SLC17A8: variants seen among roughly 807,000 people sequenced by gnomAD.
The protein encoded by SLC17A8 is solute carrier family 17 member 8, also known as vesicular glutamate transporter 3.
SLC17A8 carries 31 observed loss-of-function variants against 58.0 expected under a neutral mutation model. The ratio of observed to expected loss-of-function variants is 0.53; its 90% confidence interval spans 0.40 to 0.72. The LOEUF (loss-of-function observed/expected upper bound fraction) is 0.72. SLC17A8 is among the 30% of genes least tolerant of loss of function. The probability of loss-of-function intolerance (pLI) is 0.00; values close to 1 mark genes in which losing one functional copy is unlikely to be tolerated. For synonymous variants in SLC17A8, 228 were observed against 249.0 expected, an observed-to-expected ratio of 0.92 and a Z score of 0.79; for missense variants, 655 against 727.8, an observed-to-expected ratio of 0.90 and a Z score of 1.15.
In SLC17A8 at chr12:100,401,276, G is replaced by C. The variant is rs532463824; in HGVS notation, c.677-501G>C. Among the ~76,000 whole-genome samples the C allele has an allele frequency of 2.6e-5, 4 of 151,542 alleles. No individual in the cohort carries two copies. The East Asian group carries it at 7.8e-4, about 29-fold the overall frequency. Reference sequence around the variant, plus strand: ...AGCCTCCCAAAGTGTTAGGATTACAGGTGTGAGCCACCGTGCCTGGCAACC... The same window carrying C: ...AGCCTCCCAAAGTGTTAGGATTACACGTGTGAGCCACCGTGCCTGGCAACC... On this transcript the variant is annotated intron_variant, in intron 5 of 11. Coordinates refer to ENST00000323346, the MANE Select transcript of SLC17A8 (RefSeq NM_139319.3).
Position 100,412,803 on chromosome 12 carries a change from T to C in SLC17A8, c.1220T>C (p.Val407Ala). The change falls in exon 10 of 12, where the codon GTT (valine) becomes GCT (alanine). Residue 407 changes from valine (V) to alanine (A), a missense_variant. Physicochemically the swap from Val to Ala is moderately conservative, Grantham distance 64 (BLOSUM62 0). Transcript: ENST00000323346. ...ATGGAGGCAACCTTACTCCTGGTGG[T>C]TGGCTTTTCGCATACCAAAGGGGTG... ...FGMEATLLLV[V>A]GFSHTKGVAI... 5 of 1,614,142 alleles carry C rather than the reference T, an allele frequency of 3.1e-6. No individual in the cohort carries two copies. Among genetic ancestry groups the C allele is most frequent in the Non-Finnish European group, 2.5e-6 (3 of 1,180,000 alleles).
At chr12:100,381,683 C>T (rs1393167240) in intron 2 of SLC17A8, among the ~76,000 whole-genome samples, 1 of 152,056 alleles carries the variant, frequency 6.6e-6, no homozygotes, top group Non-Finnish European at 1.5e-5. Flanking sequence ...GACTAATGAA[C>T]CTTTGCCAAA....
chr12:100,390,654 G>A (rs769773134), intron 2 of SLC17A8, among the ~76,000 whole-genome samples: 1 of 151,186 alleles, frequency 6.6e-6, no homozygotes, highest in Non-Finnish European at 1.5e-5. Context: ...GGCCGGTTTT[G>A]TTTTTTAAGA....
chr12:100,387,980 A>T (rs1371090886), intron 2 of SLC17A8, among the ~76,000 whole-genome samples: 2 of 152,188 alleles, frequency 1.3e-5, no homozygotes, highest in Non-Finnish European at 2.9e-5. Context: ...GTGATGTCTT[A>T]AAGAACCCTT....
At chr12:100,389,181 C>T (rs2135993235) in intron 2 of SLC17A8, among the ~76,000 whole-genome samples, 1 of 152,296 alleles carries the variant, frequency 6.6e-6, no homozygotes, top group South Asian at 2.1e-4. Flanking sequence ...TTTTCAATGG[C>T]CTAAGGGTTG....
chr12:100,383,196 C>T (rs1246385731), intron 2 of SLC17A8, among the ~76,000 whole-genome samples: 1 of 152,158 alleles, frequency 6.6e-6, no homozygotes, highest in Non-Finnish European at 1.5e-5. Flanking sequence ...TGTTTGTTGC[C>T]TGAAAAGATA....
At chr12:100,407,361 A>G (rs1005162749) in intron 9 of SLC17A8, among the ~76,000 whole-genome samples, 1 of 152,142 alleles carries the variant, frequency 6.6e-6, no homozygotes, top group African/African-American at 2.4e-5. Flanking sequence ...GTTCCTATTT[A>G]ATTCTGCCCC....
At chr12:100,373,311 G>A (rs1174077219) in intron 1 of SLC17A8, among the ~76,000 whole-genome samples, 2 of 152,154 alleles carry the variant, frequency 1.3e-5, no homozygotes, top group African/African-American at 2.4e-5. Flanking sequence ...AAATGAGTTC[G>A]TTTTTCTTCT....
intron 4 of SLC17A8, among the ~76,000 whole-genome samples, chr12:100,394,601 C>T (rs956297213): frequency 1.3e-5 from 2 of 150,636 alleles, no homozygotes; most frequent in Non-Finnish European, 3.0e-5. Context: ...TGGGGTTTTA[C>T]CATGTTGGCC....
intron 4 of SLC17A8, among the ~76,000 whole-genome samples, chr12:100,395,973 T>C (rs1385139550): frequency 6.6e-6 from 1 of 152,216 alleles, no homozygotes; most frequent in Non-Finnish European, 1.5e-5. Flanking sequence ...TGCTGGCAGA[T>C]CGGTGACTTG....
intron 8 of SLC17A8, among the ~76,000 whole-genome samples, chr12:100,403,279 A>C (rs1033455877): frequency 1.3e-5 from 2 of 148,336 alleles, no homozygotes; most frequent in Non-Finnish European, 3.0e-5. Flanking sequence ...GACCAGCCTG[A>C]CCAACATGGC....
chr12:100,406,082 C>T (rs540013193), intron 9 of SLC17A8, among the ~76,000 whole-genome samples: 2 of 152,340 alleles, frequency 1.3e-5, no homozygotes, highest in East Asian at 3.9e-4. Flanking sequence ...CTCACCCAAG[C>T]CCTGAACATA....
At chr12:100,381,016 G>C in intron 2 of SLC17A8, 63 bp downstream of exon 2, 1 of 1,596,702 alleles carries the variant, frequency 6.3e-7, no homozygotes, top group African/African-American at 1.3e-5. Flanking sequence ...CGGTCTCCCA[G>C]GCTAGAGTAC....
At chr12:100,418,216 C>T in intron 11 of SLC17A8, 60 bp downstream of exon 11, 1 of 1,608,642 alleles carries the variant, frequency 6.2e-7, no homozygotes, top group South Asian at 1.1e-5. Flanking sequence ...TCTACACAAA[C>T]TTGAGATTTC....
intron 1 of SLC17A8, among the ~76,000 whole-genome samples, chr12:100,361,752 A>G (rs747196945): frequency 5.9e-5 from 9 of 152,180 alleles, no homozygotes; most frequent in Non-Finnish European, 1.3e-4. Flanking sequence ...GCCTGAGCTC[A>G]GGAGTTTGAG....
At chr12:100,379,790 C>T (rs1952620711) in intron 1 of SLC17A8, among the ~76,000 whole-genome samples, 1 of 139,726 alleles carries the variant, frequency 7.2e-6, no homozygotes, top group Non-Finnish European at 1.5e-5. Context: ...ATAAAAGGTG[C>T]TGGATGATCA....
At chr12:100,366,039 C>T (rs189204021) in intron 1 of SLC17A8, among the ~76,000 whole-genome samples, 55 of 146,652 alleles carry the variant, frequency 3.8e-4, no homozygotes, top group African/African-American at 1.2e-3. Flanking sequence ...TGTCATCCAC[C>T]GTGATCCCTT....
intron 1 of SLC17A8, among the ~76,000 whole-genome samples, chr12:100,361,807 A>G (rs1321225846): frequency 6.6e-6 from 1 of 152,108 alleles, no homozygotes; most frequent in Non-Finnish European, 1.5e-5. Flanking sequence ...CTAAAAGACA[A>G]AAAATGAGCC....
chr12:100,400,520 G>C (rs969416520), intron 5 of SLC17A8, among the ~76,000 whole-genome samples: 1 of 152,138 alleles, frequency 6.6e-6, no homozygotes, highest in African/African-American at 2.4e-5. Context: ...ATGATGTTCA[G>C]ATTCCAGATC....
Sources: gnomAD v4.1 joint callset for allele counts (sites outside exome capture counted in the v4.1 genomes callset) on GRCh38, gnomAD v4.1.1 for gene constraint, MANE v1.5 for transcripts, NCBI Gene and HGNC (gene_info 2026-07-23, HGNC 2026-07-21) for gene names.